C1QTNF9: variants seen among roughly 807,000 people sequenced by gnomAD.
C1QTNF9 encodes C1q and TNF related 9.
C1QTNF9 carries 6 observed loss-of-function variants against 10.1 expected under a neutral mutation model. That is an observed-to-expected ratio of 0.59 (90% confidence interval 0.32 to 1.17). The LOEUF is 1.17. C1QTNF9 is among the 50% of genes most tolerant of loss of function. The probability of loss-of-function intolerance (pLI) is 0.04; values close to 1 mark genes in which losing one functional copy is unlikely to be tolerated. For missense variants in C1QTNF9, 201 were observed against 418.8 expected (o/e 0.48, Z 4.54); for synonymous variants, 98 against 163.5 (o/e 0.60, Z 3.06).
At position 24,321,742 on chromosome 13, in the gene C1QTNF9, G is replaced by A. The variant is rs1878284038; in HGVS notation, c.976G>A (p.Gly326Arg). The change falls in exon 4 of 4, where the codon GGG becomes AGG. Residue 326 changes from glycine (G) to arginine (R), a missense_variant. By Grantham distance (125) the Gly-to-Arg change is moderately radical. This residue lies in a region of C1QTNF9 where 86 missense variants were observed against 87.0 expected (regional missense o/e 0.99). Coordinates refer to ENST00000332018, the Ensembl canonical transcript of C1QTNF9. ...TGAGGACGATGACACAACTTTCACA[G>A]GGTTCCTTCTGTTCAGCAGCCCGTG... is the stretch of plus-strand genomic sequence containing the variant. The A allele has an allele frequency of 1.9e-6, 3 of 1,589,582 alleles. No homozygotes were observed. In the African/African-American group the frequency reaches 4.0e-5, roughly 21 times the overall value.
intron 1 of C1QTNF9, among the ~76,000 whole-genome samples, chr13:24,315,036 T>TA (rs1483512426): frequency 2.0e-5 from 3 of 152,034 alleles, no homozygotes; most frequent in East Asian, 1.9e-4. Context: ...TTTAATGTGG[T>TA]AAAAAATATA....
chr13:24,310,772 C>T (rs539265645), intron 1 of C1QTNF9, among the ~76,000 whole-genome samples: 4 of 151,784 alleles, frequency 2.6e-5, no homozygotes, highest in South Asian at 4.2e-4. Context: ...ATTAGCCAGG[C>T]GTGGTGGTGG....
At position 24,318,887 on chromosome 13, in the gene C1QTNF9, A is replaced by G; in HGVS notation, c.229+7A>G. ...GGAGAGAAGGGAGAACGAGGTTAGT[A>G]GTTCCTATTTATGGTGCTCTAATTC... On this transcript the variant is annotated splice_region_variant and intron_variant, in intron 3 of 3. Transcript: ENST00000332018. 6.2e-7 allele frequency: 1 copy of G among 1,614,206 alleles called. No homozygotes were observed. Among genetic ancestry groups the G allele is most frequent in the Non-Finnish European group, 8.5e-7 (1 of 1,180,010 alleles).
chr13:24,322,011 A>C (rs1033089854), exon 4 of C1QTNF9: 6 of 505,276 alleles, frequency 1.2e-5, no homozygotes, highest in Non-Finnish European at 1.9e-5. Context: ...TATCTGAAGA[A>C]TCCCTCGTCT....
intron 1 of C1QTNF9, 196 bp from the exon 2 acceptor site, chr13:24,315,786 T>G: frequency 1.7e-6 from 1 of 582,074 alleles, no homozygotes; most frequent in Non-Finnish European, 2.9e-6. Context: ...CAATCACAAG[T>G]GTTACCTTCC....
In C1QTNF9 at chr13:24,318,744, C is replaced by T. The variant is rs1878138616; in HGVS notation, c.167-74C>T. The T allele has an allele frequency of 5.0e-6, 8 of 1,596,646 alleles. No homozygotes were observed. In the South Asian group the frequency reaches 8.9e-5, roughly 18 times the overall value. On this transcript the variant is annotated intron_variant, in intron 2 of 3. Transcript: ENST00000332018. ...CCCCCAGACTCTCCAACACACATGGCTGATGGAGACCAATGGCCAGAAAAA... is the reference window on the plus strand; with the variant it reads ...CCCCCAGACTCTCCAACACACATGGTTGATGGAGACCAATGGCCAGAAAAA...
At chr13:24,316,058 T>C (rs1565956068) in exon 2 of C1QTNF9, 1 of 1,613,672 alleles carries the variant, frequency 6.2e-7, no homozygotes, top group Non-Finnish European at 8.5e-7. Context: ...GAACATAAAC[T>C]CACAGGACAC....
At chr13:24,312,889 A>G (rs550211690) in intron 1 of C1QTNF9, among the ~76,000 whole-genome samples, 1 of 150,010 alleles carries the variant, frequency 6.7e-6, no homozygotes, top group Admixed American at 6.7e-5. Flanking sequence ...CGGGAGGCAG[A>G]GCTTGCAGTG....
intron 2 of C1QTNF9, among the ~76,000 whole-genome samples, chr13:24,316,404 C>T (rs1878039904): frequency 6.6e-6 from 1 of 152,074 alleles, no homozygotes; most frequent in Non-Finnish European, 1.5e-5. Flanking sequence ...TGGTGGAGAG[C>T]ACAGGGCAAG....
At position 24,316,163 on chromosome 13, in the gene C1QTNF9, G is replaced by A. The variant is rs766110595; in HGVS notation, c.160G>A (p.Asp54Asn). 47 of 1,598,960 alleles carry A rather than the reference G, an allele frequency of 2.9e-5. 1 individual carries two copies. In the South Asian group the frequency reaches 3.2e-4, roughly 11 times the overall value. Residue 54 changes from aspartate (D) to asparagine (N), a missense_variant, in exon 2 of 4, where the codon GAT (aspartate) becomes AAT (asparagine). Coordinates refer to ENST00000332018, the Ensembl canonical transcript of C1QTNF9. ...AGACGGAGCGAAGGGTGACAAAGGC[G>A]ATGCAGGTACTCACCTGACGGCTTC...
chr13:24,322,313 G>A (rs1263081807), exon 4 of C1QTNF9: 1 of 152,574 alleles, frequency 6.6e-6, no homozygotes, highest in Non-Finnish European at 1.5e-5. Context: ...GTGGTGGTTT[G>A]CTGTATCTAT....
intron 1 of C1QTNF9, among the ~76,000 whole-genome samples, chr13:24,310,773 G>A (rs184786724): frequency 4.0e-5 from 6 of 151,784 alleles, no homozygotes; most frequent in African/African-American, 7.3e-5. Context: ...TTAGCCAGGC[G>A]TGGTGGTGGG....
chr13:24,321,835 G>A, exon 4 of C1QTNF9: 1 of 1,457,938 alleles, frequency 6.9e-7, no homozygotes, highest in Non-Finnish European at 9.1e-7. Flanking sequence ...TTATTCAGAT[G>A]GTTTTACTTT....
chr13:24,319,485 G>C (rs1408176482), intron 3 of C1QTNF9, among the ~76,000 whole-genome samples: 1 of 152,192 alleles, frequency 6.6e-6, no homozygotes, highest in Non-Finnish European at 1.5e-5. Context: ...GCTGCCATGA[G>C]CCATGATCTC....
At chr13:24,312,750 A>C (rs768427400) in intron 1 of C1QTNF9, among the ~76,000 whole-genome samples, 1 of 151,850 alleles carries the variant, frequency 6.6e-6, no homozygotes, top group East Asian at 1.9e-4. Flanking sequence ...AGGTCAGGAA[A>C]TCGAGACCAT....
chr13:24,314,554 C>T (rs1297682387), intron 1 of C1QTNF9, among the ~76,000 whole-genome samples: 2 of 151,968 alleles, frequency 1.3e-5, no homozygotes, highest in African/African-American at 4.8e-5. Context: ...GTGGTGGTGG[C>T]GCCTGTAGTC....
chr13:24,307,975 C>A (rs1412921201), upstream of C1QTNF9, among the ~76,000 whole-genome samples: 1 of 152,216 alleles, frequency 6.6e-6, no homozygotes, highest in Non-Finnish European at 1.5e-5. Flanking sequence ...TTCCCACGGA[C>A]CCCAGGCCCC....
chr13:24,318,182 C>T (rs1259228977), intron 2 of C1QTNF9, among the ~76,000 whole-genome samples: 2 of 152,126 alleles, frequency 1.3e-5, no homozygotes, highest in East Asian at 3.9e-4. Context: ...GGATAGCACG[C>T]CGACCTGGAG....
At chr13:24,321,611 G>A (rs780029725) in exon 4 of C1QTNF9, 2 of 1,614,192 alleles carry the variant, frequency 1.2e-6, no homozygotes, top group South Asian at 1.1e-5. Context: ...GCTTACATGA[G>A]CTCTGAGGAC....
Sources: gnomAD v4.1 joint callset for allele counts (sites outside exome capture counted in the v4.1 genomes callset) on GRCh38, gnomAD v4.1.1 for gene constraint, gnomAD v4.1.1 regional missense constraint, MANE v1.5 for transcripts, NCBI Gene and HGNC (gene_info 2026-07-23, HGNC 2026-07-21) for gene names.